RAPGEF6: variants seen among roughly 807,000 people sequenced by gnomAD.
The protein encoded by RAPGEF6 is Rap guanine nucleotide exchange factor 6.
A neutral mutation model predicts 171.4 loss-of-function variants in RAPGEF6; 56 were observed. That is an observed-to-expected ratio of 0.33 (90% CI 0.26 to 0.41). The LOEUF (loss-of-function observed/expected upper bound fraction) is 0.41, where lower values mean the gene tolerates loss of function less well. Among genes scored for constraint, RAPGEF6 ranks in the 10% least tolerant of loss-of-function variants. RAPGEF6 has a pLI of 1.00. For missense variants in RAPGEF6, 1,674 were observed against 1,921.4 expected (o/e 0.87, Z 2.41); for synonymous variants, 692 against 650.1 (o/e 1.06, Z -0.98).
intron 5 of RAPGEF6, among the ~76,000 whole-genome samples, chr5:131,554,963 A>G (rs750721182): frequency 3.9e-4 from 60 of 152,324 alleles, no homozygotes; most frequent in Middle Eastern, 3.4e-3. Flanking sequence ...AAAAACAAGA[A>G]CAAATAAAAA....
At chr5:131,440,743 A>G (rs1435468987) in intron 23 of RAPGEF6, among the ~76,000 whole-genome samples, 19 of 150,034 alleles carry the variant, frequency 1.3e-4, no homozygotes, top group Non-Finnish European at 7.4e-5. Flanking sequence ...GTCTCAAAAA[A>G]AAAAAAAAAA....
intron 5 of RAPGEF6, among the ~76,000 whole-genome samples, chr5:131,560,986 A>C (rs1234906174): frequency 1.3e-5 from 2 of 152,240 alleles, no homozygotes; most frequent in Non-Finnish European, 2.9e-5. Context: ...GTTCAAATCT[A>C]ATCAGATGAC....
chr5:131,538,618 C>T (rs981187166), intron 6 of RAPGEF6, among the ~76,000 whole-genome samples: 6 of 152,130 alleles, frequency 3.9e-5, no homozygotes, highest in African/African-American at 7.2e-5. Flanking sequence ...ATTTTAGTAT[C>T]TGCAGGGGGT....
At chr5:131,553,015 A>G (rs879602341) in intron 5 of RAPGEF6, among the ~76,000 whole-genome samples, 25 of 152,336 alleles carry the variant, frequency 1.6e-4, no homozygotes, top group Middle Eastern at 3.4e-3. Context: ...TGAGCCAGAG[A>G]TGATAAACAG....
chr5:131,505,397 A>G lies in RAPGEF6; in HGVS notation c.1068T>C (p.His356=). 2 of 1,613,654 alleles carry G rather than the reference A, an allele frequency of 1.2e-6. No individual in the cohort carries two copies. Among genetic ancestry groups the G allele is most frequent in the Middle Eastern group, 1.7e-4 (1 of 6,058 alleles). Residue 356 remains histidine (H), a synonymous_variant, in exon 10 of 28, where the codon CAT becomes CAC. Transcript: ENST00000509018. ...ITPTLDKQYM[H]GIVRTKVDDC... ...CATCTACTTTAGTCCTGACAATTCC[A>G]TGCATGTACTGCTTATCCAGAGTGG...
intron 11 of RAPGEF6, among the ~76,000 whole-genome samples, chr5:131,500,110 G>C (rs1262917678): frequency 6.6e-6 from 1 of 152,130 alleles, no homozygotes. Flanking sequence ...TGTTGGTCAG[G>C]CTGGTCTCGA....
intron 1 of RAPGEF6, among the ~76,000 whole-genome samples, chr5:131,632,023 C>A (rs924439271): frequency 6.7e-6 from 1 of 150,318 alleles, no homozygotes; most frequent in Non-Finnish European, 1.5e-5. Flanking sequence ...TTGCAGTGAG[C>A]CCAGACTGCA....
At chr5:131,539,886 T>C (rs1029921234) in intron 6 of RAPGEF6, among the ~76,000 whole-genome samples, 2 of 152,126 alleles carry the variant, frequency 1.3e-5, no homozygotes, top group African/African-American at 2.4e-5. Flanking sequence ...AATGAAAAAG[T>C]AGATTCTAGC....
At chr5:131,609,079 C>A (rs1013814515) in intron 1 of RAPGEF6, among the ~76,000 whole-genome samples, 2 of 152,178 alleles carry the variant, frequency 1.3e-5, no homozygotes, top group African/African-American at 4.8e-5. Flanking sequence ...TGAGCCACTG[C>A]GCCCAGCCTG....
chr5:131,526,038 G>C (rs981778242), intron 6 of RAPGEF6, among the ~76,000 whole-genome samples: 12 of 152,188 alleles, frequency 7.9e-5, no homozygotes, highest in Non-Finnish European at 1.5e-5. Flanking sequence ...ACCCAGGTCT[G>C]ACTCTAGCAT....
chr5:131,524,961 A>G lies in RAPGEF6; in HGVS notation c.496-3440T>C, dbSNP rs928849139. 5.9e-5 allele frequency among the ~76,000 whole-genome samples: 9 copies of G among 152,306 alleles called. No individual in the cohort carries two copies. In the East Asian group the frequency reaches 1.2e-3, roughly 20 times the overall value. Reference sequence around the variant, plus strand: ...TACCTTGATTTGTTTCACAATGTGAACATGTATCAAAACATCACACTGTAC... The same window carrying G: ...TACCTTGATTTGTTTCACAATGTGAGCATGTATCAAAACATCACACTGTAC... On this transcript the variant is annotated intron_variant, in intron 6 of 27. Transcript: ENST00000509018.
At chr5:131,431,970 G>A (rs1751736960) in intron 25 of RAPGEF6, among the ~76,000 whole-genome samples, 1 of 152,058 alleles carries the variant, frequency 6.6e-6, no homozygotes, top group Non-Finnish European at 1.5e-5. Context: ...GGTTAGCCCA[G>A]TACAGTGCCA....
At chr5:131,600,986 G>C (rs1245814756) in intron 3 of RAPGEF6, among the ~76,000 whole-genome samples, 1 of 151,872 alleles carries the variant, frequency 6.6e-6, no homozygotes, top group African/African-American at 2.4e-5. Context: ...GCTGGGTGTA[G>C]TGGCGTATGC....
intron 23 of RAPGEF6, 55 bp downstream of exon 23, chr5:131,442,294 T>TA (rs1390472816): frequency 2.7e-6 from 4 of 1,484,270 alleles, no homozygotes; most frequent in African/African-American, 1.4e-5. Context: ...TTTTTCACTC[T>TA]AACTCCCCTG....
chr5:131,612,507 T>C (rs947578057), intron 1 of RAPGEF6, among the ~76,000 whole-genome samples: 6 of 152,156 alleles, frequency 3.9e-5, no homozygotes, highest in Non-Finnish European at 7.3e-5. Flanking sequence ...TATAACCCCA[T>C]TGTAAGTCAA....
At chr5:131,565,123 G>C (rs1028927339) in intron 4 of RAPGEF6, among the ~76,000 whole-genome samples, 4 of 152,036 alleles carry the variant, frequency 2.6e-5, no homozygotes, top group African/African-American at 9.7e-5. Context: ...TTTATATAAA[G>C]TGAATTCACT....
At chr5:131,555,027 A>G (rs957666708) in intron 5 of RAPGEF6, among the ~76,000 whole-genome samples, 2 of 152,226 alleles carry the variant, frequency 1.3e-5, no homozygotes, top group African/African-American at 4.8e-5. Context: ...CAATGAATAC[A>G]AATAGAAAAG....
intron 4 of RAPGEF6, among the ~76,000 whole-genome samples, chr5:131,570,041 CAAAAAAAAAAAAAA>C (rs34729268): frequency 4.0e-4 from 11 of 27,474 alleles, no homozygotes; most frequent in South Asian, 1.9e-3. Flanking sequence ...GACTCTGTCT[CAAAAAAAAAAAAAA>C]AAAAAAAAAA....
intron 16 of RAPGEF6, among the ~76,000 whole-genome samples, chr5:131,474,268 A>T (rs575626227): frequency 6.6e-6 from 1 of 152,286 alleles, no homozygotes; most frequent in South Asian, 2.1e-4. Flanking sequence ...GTTTAAGACC[A>T]GCCTGGCCAA....
Sources: allele counts gnomAD v4.1 joint callset (sites outside exome capture counted in the v4.1 genomes callset), GRCh38; gene constraint gnomAD v4.1.1; transcripts MANE v1.5; gene names NCBI Gene and HGNC (gene_info 2026-07-23, HGNC 2026-07-21).